The following TSTD2 variants were observed in gnomAD, a reference collection of about 807,000 sequenced individuals.
TSTD2 encodes thiosulfate sulfurtransferase/rhodanese-like domain-containing protein 2.
In TSTD2, 37 loss-of-function variants were observed where a neutral mutation model predicts 47.9. The ratio of observed to expected loss-of-function variants is 0.77; its 90% confidence interval spans 0.59 to 1.02. TSTD2 has a LOEUF of 1.02. TSTD2 is among the 50% of genes least tolerant of loss of function. TSTD2 has a pLI of 0.00. For missense variants in TSTD2, 586 were observed against 616.0 expected, an observed-to-expected ratio of 0.95 and a Z score of 0.52; for synonymous variants, 201 against 215.9, an observed-to-expected ratio of 0.93 and a Z score of 0.61.
intron 6 of TSTD2, 32 bp from the exon 7 acceptor site, chr9:97,606,293 C>A: frequency 6.9e-7 from 1 of 1,442,774 alleles, no homozygotes; most frequent in Non-Finnish European, 9.5e-7. Context: ...TATATTAAAA[C>A]AAAGACAAAA....
chr9:97,632,381 CTT>C (rs60119431), intron 1 of TSTD2, among the ~76,000 whole-genome samples: 36 of 147,534 alleles, frequency 2.4e-4, no homozygotes, highest in African/African-American at 8.6e-4. Context: ...TCGTAGGAGA[CTT>C]TTTTTTTTTG....
At chr9:97,603,418 CCAT>C (rs996641156) in intron 9 of TSTD2, among the ~76,000 whole-genome samples, 62 of 152,172 alleles carry the variant, frequency 4.1e-4, no homozygotes, top group African/African-American at 1.4e-3. Context: ...ACGCAGGTAC[CCAT>C]CGAGTCCAGC....
chr9:97,624,166 CTG>C (rs1826682133), intron 3 of TSTD2, among the ~76,000 whole-genome samples: 1 of 152,184 alleles, frequency 6.6e-6, no homozygotes, highest in African/African-American at 2.4e-5. Context: ...CTCTCCTAGA[CTG>C]TACTGAGGTT....
intron 1 of TSTD2, among the ~76,000 whole-genome samples, chr9:97,632,549 A>ATTT (rs36004486): frequency 0.038 from 5,628 of 147,238 alleles, 396 homozygotes; most frequent in African/African-American, 0.13. Context: ...GGCTCAGCTA[A>ATTT]TTTTTTTTTT....
At chr9:97,604,596 G>T in intron 9 of TSTD2, 131 bp downstream of exon 9, 1 of 1,342,934 alleles carries the variant, frequency 7.4e-7, no homozygotes. Flanking sequence ...GTGGCACAAT[G>T]TACTTATTTT....
chr9:97,606,817 G>C (rs1479431676), intron 6 of TSTD2, among the ~76,000 whole-genome samples: 3 of 152,118 alleles, frequency 2.0e-5, no homozygotes, highest in Non-Finnish European at 4.4e-5. Flanking sequence ...TTAATGCAAA[G>C]GAGCAAGAAG....
intron 6 of TSTD2, among the ~76,000 whole-genome samples, chr9:97,609,176 T>C (rs1054776848): frequency 6.6e-6 from 1 of 152,244 alleles, no homozygotes; most frequent in Non-Finnish European, 1.5e-5. Context: ...GTTGAAATAA[T>C]ATTTTTGATA....
At chr9:97,626,054 A>G in intron 2 of TSTD2, 57 bp from the exon 3 acceptor site, 4 of 1,487,440 alleles carry the variant, frequency 2.7e-6, no homozygotes, top group Non-Finnish European at 3.6e-6. Context: ...TATGGCTAAT[A>G]GAAGTCTCAC....
chr9:97,627,318 A>G, intron 2 of TSTD2, 80 bp downstream of exon 2: 1 of 1,500,024 alleles, frequency 6.7e-7, no homozygotes. Context: ...TGAGCTGGAG[A>G]GCAACCTTGA....
In TSTD2 at chr9:97,600,716, G is replaced by T; in HGVS notation, c.*1753C>A. 9.9e-7 allele frequency: 1 copy of T among 1,005,482 alleles called. No homozygotes were observed. Among genetic ancestry groups the T allele is most frequent in the Non-Finnish European group, 1.2e-6 (1 of 842,066 alleles). 62.3% of individuals were successfully genotyped at this position (1,005,482 alleles called of 1,614,324 possible). On this transcript the variant is annotated 3_prime_UTR_variant, in exon 10 of 10. Transcript: ENST00000341170. ...AGCCTCCGCAGGATGCCGGACAATG[G>T]TGAAGAAACTCCAGATATCAAGGAA...
chr9:97,624,687 ACT>A (rs1269916183), intron 3 of TSTD2, among the ~76,000 whole-genome samples: 3 of 151,754 alleles, frequency 2.0e-5, no homozygotes, highest in Admixed American at 6.6e-5. Flanking sequence ...CATTCACTAT[ACT>A]CTGTTTAATT....
intron 4 of TSTD2, among the ~76,000 whole-genome samples, chr9:97,612,990 G>A (rs548283953): frequency 5.3e-5 from 8 of 152,362 alleles, no homozygotes; most frequent in African/African-American, 1.9e-4. Flanking sequence ...TAGTCCAACA[G>A]CCAAAGAAGT....
At chr9:97,630,999 C>T (rs763221167) in intron 1 of TSTD2, among the ~76,000 whole-genome samples, 1 of 152,218 alleles carries the variant, frequency 6.6e-6, no homozygotes, top group African/African-American at 2.4e-5. Flanking sequence ...ACCAAACTTT[C>T]GTCTTCCCCA....
intron 1 of TSTD2, among the ~76,000 whole-genome samples, chr9:97,630,076 C>T (rs1339868158): frequency 1.3e-5 from 2 of 152,180 alleles, no homozygotes; most frequent in Non-Finnish European, 2.9e-5. Flanking sequence ...TTGTCTGCTA[C>T]CCTGTGTCAC....
intron 6 of TSTD2, 27 bp from the exon 7 acceptor site, chr9:97,606,288 T>C: frequency 6.9e-7 from 1 of 1,452,884 alleles, no homozygotes; most frequent in Non-Finnish European, 9.4e-7. Context: ...AAAATTATAT[T>C]AAAACAAAGA....
At position 97,602,394 on chromosome 9, in the gene TSTD2, C is replaced by T; in HGVS notation, c.*75G>A. The T allele has an allele frequency of 6.8e-7, 1 of 1,468,790 alleles. No individual in the cohort carries two copies. Among genetic ancestry groups the T allele is most frequent in the East Asian group, 2.4e-5 (1 of 41,412 alleles). The allele number at this position is 1,468,790 out of a possible 1,614,324, so 91.0% of individuals were successfully genotyped here. ...TTCCCGATTTCTCTGTTTCTGCAGT[C>T]TTGCCATGCTTTCTCTGTATAGTCA... On this transcript the variant is annotated 3_prime_UTR_variant, in exon 10 of 10. Transcript: ENST00000341170.
chr9:97,614,482 C>A (rs1239641250), intron 4 of TSTD2, among the ~76,000 whole-genome samples: 13 of 152,024 alleles, frequency 8.6e-5, no homozygotes, highest in African/African-American at 2.7e-4. Flanking sequence ...GACCAAAATT[C>A]CTGTCCTCAT....
intron 1 of TSTD2, among the ~76,000 whole-genome samples, 174 bp from the exon 2 acceptor site, chr9:97,627,786 A>G (rs944920145): frequency 6.6e-6 from 1 of 152,250 alleles, no homozygotes; most frequent in East Asian, 1.9e-4. Context: ...GCACTATTCT[A>G]AGCACTGAGA....
Position 97,611,641 on chromosome 9 carries a change from C to A in TSTD2, c.662G>T (p.Arg221Ile). Reference protein sequence around the residue: ...GTVGGSKLATRLYVEVMLSFP... With the variant: ...GTVGGSKLATILYVEVMLSFP... ...GGAAAGCATGACTTCCACATAAAGT[C>A]TGGTAGCCAATTTGCTTCCACCAAC... The change falls in exon 5 of 10, where the codon AGA becomes ATA. Residue 221 changes from arginine to isoleucine, a missense_variant. Physicochemically the swap from Arg to Ile is moderately conservative, Grantham distance 97. Coordinates refer to ENST00000341170, the MANE Select transcript of TSTD2 (RefSeq NM_139246.5). The A allele has an allele frequency of 1.9e-6, 3 of 1,611,004 alleles. No homozygotes were observed. The highest frequency in any genetic ancestry group is 2.2e-5 in the South Asian group (2 of 91,010).
Sources: allele counts gnomAD v4.1 joint callset (sites outside exome capture counted in the v4.1 genomes callset), GRCh38; gene constraint gnomAD v4.1.1; transcripts MANE v1.5; gene names NCBI Gene and HGNC (gene_info 2026-07-23, HGNC 2026-07-21).